Variants in UGT1A6 observed in about 807,000 individuals in gnomAD.
UGT1A6 encodes the protein UDP-glucuronosyltransferase 1A6.
A neutral mutation model predicts 44.4 loss-of-function variants in UGT1A6; 32 were observed. That is an observed-to-expected ratio of 0.72 (90% CI 0.54 to 0.97). The LOEUF (loss-of-function observed/expected upper bound fraction) is 0.97, where lower values mean the gene tolerates loss of function less well. Among genes scored for constraint, UGT1A6 ranks in the 50% least tolerant of loss-of-function variants. The pLI, the probability that UGT1A6 is intolerant of heterozygous loss-of-function variation, is 0.00. For synonymous variants in UGT1A6, 238 were observed against 248.5 expected, an observed-to-expected ratio of 0.96 and a Z score of 0.40; for missense variants, 685 against 661.9, an observed-to-expected ratio of 1.03 and a Z score of -0.38.
chr2:233,692,956 T>G lies in UGT1A6; in HGVS notation c.-49T>G. The G allele has an allele frequency of 6.2e-7, 1 of 1,606,972 alleles. No homozygotes were observed. The highest frequency in any genetic ancestry group is 1.1e-5 in the South Asian group (1 of 88,912). ...GAAAATACCTAGGAGCCCTGTGATT[T>G]GGAGAGTGAAAACTCTTTATTACCG... On this transcript the variant is annotated 5_prime_UTR_variant, in exon 1 of 5. Transcript: ENST00000305139.
chr2:233,748,218 T>C (rs1484955806), intron 1 of UGT1A6: 56 of 1,469,990 alleles, frequency 3.8e-5, no homozygotes, highest in Admixed American at 8.3e-5. Context: ...TTCAGTGAGA[T>C]AAACTGTTAA....
intron 1 of UGT1A6, among the ~76,000 whole-genome samples, chr2:233,737,002 C>G (rs534387073): frequency 6.6e-6 from 1 of 152,190 alleles, no homozygotes; most frequent in Non-Finnish European, 1.5e-5. Flanking sequence ...GTCAGGGACC[C>G]GCTTGAGGAG....
At chr2:233,719,619 AG>A in intron 1 of UGT1A6, 1 of 1,614,060 alleles carries the variant, frequency 6.2e-7, no homozygotes, top group Non-Finnish European at 8.5e-7. Context: ...GGACTACCCC[AG>A]GCCGATCATG....
At chr2:233,696,793 T>C (rs781512293) in intron 1 of UGT1A6, among the ~76,000 whole-genome samples, 5 of 152,308 alleles carry the variant, frequency 3.3e-5, no homozygotes, top group Middle Eastern at 3.4e-3. Context: ...TTTTGAGGTA[T>C]GTTCCTTCTG....
At chr2:233,749,028 G>A (rs564218690) in intron 1 of UGT1A6, among the ~76,000 whole-genome samples, 2 of 151,604 alleles carry the variant, frequency 1.3e-5, no homozygotes, top group Non-Finnish European at 2.9e-5. Flanking sequence ...AATATTTGGG[G>A]TTCATTGATG....
At chr2:233,755,100 G>T (rs920872791) in intron 1 of UGT1A6, 1 of 1,335,078 alleles carries the variant, frequency 7.5e-7, no homozygotes, top group Non-Finnish European at 1.0e-6. Context: ...CTACGCGTCC[G>T]ACAACACCTC....
chr2:233,766,941 CTT>C (rs1181613767), intron 1 of UGT1A6, 91 bp from the exon 2 acceptor site: 3 of 1,595,132 alleles, frequency 1.9e-6, no homozygotes, highest in African/African-American at 2.7e-5. Flanking sequence ...TAATCATAGT[CTT>C]AAGAGGAAGA....
chr2:233,727,556 C>T (rs2077628647), intron 1 of UGT1A6, among the ~76,000 whole-genome samples: 1 of 152,116 alleles, frequency 6.6e-6, no homozygotes, highest in Non-Finnish European at 1.5e-5. Context: ...CACCTGGGCT[C>T]ATCATGAGGG....
intron 1 of UGT1A6, chr2:233,754,922 T>C: frequency 7.4e-7 from 1 of 1,349,928 alleles, no homozygotes; most frequent in South Asian, 1.1e-5. Flanking sequence ...CCAGCGGGTT[T>C]CCCAAGAGGT....
chr2:233,757,535 A>AATATATATACATATACATATACAT (rs376887521), intron 1 of UGT1A6, among the ~76,000 whole-genome samples: 3 of 88,310 alleles, frequency 3.4e-5, no homozygotes, highest in African/African-American at 1.0e-4. Flanking sequence ...GCCTGTAAGG[A>AATATATATACATATACATATACAT]ATATATATAT....
intron 1 of UGT1A6, among the ~76,000 whole-genome samples, chr2:233,699,197 C>G (rs966518416): frequency 2.0e-5 from 3 of 152,172 alleles, no homozygotes; most frequent in African/African-American, 7.2e-5. Context: ...TTCAGAATCT[C>G]ATGCTGTTGC....
At chr2:233,714,147 C>T (rs548246419) in intron 1 of UGT1A6, among the ~76,000 whole-genome samples, 18 of 152,186 alleles carry the variant, frequency 1.2e-4, no homozygotes, top group Admixed American at 6.5e-5. Flanking sequence ...GCACCATCTT[C>T]ATGGCTGTGG....
intron 1 of UGT1A6, chr2:233,713,276 TCA>T: frequency 6.2e-7 from 1 of 1,614,224 alleles, no homozygotes; most frequent in Non-Finnish European, 8.5e-7. Context: ...TTTTGCTGGG[TCA>T]CACTCAATCG....
intron 1 of UGT1A6, chr2:233,713,361 A>C (rs201722242): frequency 1.1e-5 from 17 of 1,614,070 alleles, no homozygotes; most frequent in African/African-American, 1.3e-5. Context: ...GTCTTTGATC[A>C]TACATAGGTC....
At chr2:233,719,438 A>G in intron 1 of UGT1A6, 1 of 1,613,920 alleles carries the variant, frequency 6.2e-7, no homozygotes, top group Non-Finnish European at 8.5e-7. Context: ...ACCACATGAC[A>G]TTCCTGCAAA....
chr2:233,692,957 G>A lies in UGT1A6; in HGVS notation c.-48G>A, dbSNP rs776174489. The A allele has an allele frequency of 6.2e-7, 1 of 1,607,062 alleles. No homozygotes were observed. Among genetic ancestry groups the A allele is most frequent in the Non-Finnish European group, 8.5e-7 (1 of 1,177,442 alleles). ...AAAATACCTAGGAGCCCTGTGATTTGGAGAGTGAAAACTCTTTATTACCGT... is the reference window on the plus strand; with the variant it reads ...AAAATACCTAGGAGCCCTGTGATTTAGAGAGTGAAAACTCTTTATTACCGT... On this transcript the variant is annotated 5_prime_UTR_variant, in exon 1 of 5. Coordinates refer to ENST00000305139, the MANE Select transcript of UGT1A6 (RefSeq NM_001072.4).
At position 233,719,697 on chromosome 2, in the gene UGT1A6, G is replaced by T. The variant is rs768448140; in HGVS notation, c.861+25832G>T. ...GAAGCCACTATCTCAGGTCTGTATT[G>T]GTGCCTTCATCCAATCAATGTTCCA... On this transcript the variant is annotated intron_variant, in intron 1 of 4. Coordinates refer to ENST00000305139, the MANE Select transcript of UGT1A6 (RefSeq NM_001072.4). 1.2e-5 allele frequency: 19 copies of T among 1,613,928 alleles called. No homozygotes were observed. In the South Asian group the frequency reaches 1.9e-4, roughly 16 times the overall value.
intron 1 of UGT1A6, among the ~76,000 whole-genome samples, chr2:233,744,790 T>C (rs989648069): frequency 6.6e-5 from 10 of 152,048 alleles, no homozygotes; most frequent in Admixed American, 2.6e-4. Flanking sequence ...TGAAAAATTC[T>C]TGGGGATCCC....
chr2:233,746,916 C>G (rs1283872586), intron 1 of UGT1A6, among the ~76,000 whole-genome samples: 1 of 151,772 alleles, frequency 6.6e-6, no homozygotes, highest in Non-Finnish European at 1.5e-5. Flanking sequence ...TGGGTTTCCA[C>G]AGGCCTTTGT....
Sources: allele counts gnomAD v4.1 joint callset (sites outside exome capture counted in the v4.1 genomes callset), GRCh38; gene constraint gnomAD v4.1.1; transcripts MANE v1.5; gene names NCBI Gene and HGNC (gene_info 2026-07-23, HGNC 2026-07-21).